Variants in AADAC observed in about 807,000 individuals in gnomAD.
AADAC encodes the protein arylacetamide deacetylase (esterase).
AADAC carries 17 observed loss-of-function variants against 22.7 expected under a neutral mutation model. The ratio of observed to expected loss-of-function variants is 0.75; its 90% CI spans 0.51 to 1.12. AADAC has a LOEUF of 1.12. AADAC is among the 50% of genes most tolerant of loss of function. AADAC has a pLI of 0.00. For missense variants in AADAC, 465 were observed against 473.9 expected, an observed-to-expected ratio of 0.98 and a Z score of 0.17; for synonymous variants, 167 against 176.3, an observed-to-expected ratio of 0.95 and a Z score of 0.42.
chr3:151,814,385 G>A, intron 1 of AADAC, 85 bp downstream of exon 1: 1 of 1,336,462 alleles, frequency 7.5e-7, no homozygotes, highest in East Asian at 2.5e-5. Context: ...CTATTCTTTT[G>A]ATTTATTGAC....
chr3:151,826,451 T>A (rs1452888261), intron 4 of AADAC, among the ~76,000 whole-genome samples: 1 of 151,902 alleles, frequency 6.6e-6, no homozygotes, highest in East Asian at 1.9e-4. Flanking sequence ...CTTGTAACAA[T>A]CTTTACAAAT....
intron 2 of AADAC, among the ~76,000 whole-genome samples, chr3:151,818,585 C>T (rs1449930429): frequency 6.6e-6 from 1 of 152,024 alleles, no homozygotes; most frequent in Non-Finnish European, 1.5e-5. Flanking sequence ...GGATTGGTTA[C>T]AGCTCAGCGT....
chr3:151,827,634 C>A lies in AADAC; in HGVS notation c.662C>A (p.Ala221Asp), dbSNP rs1243594974. The change falls in exon 5 of 5, where the codon GCC becomes GAC. Residue 221 changes from alanine to aspartate, a missense_variant. Coordinates refer to ENST00000232892, the MANE Select transcript of AADAC (RefSeq NM_001086.3). ...KLKIQSLIYP[A>D]LQPLDVDLPS... ...AAGATCCAGTCTTTAATTTATCCTG[C>A]CCTTCAGCCTCTTGATGTAGATTTA... The A allele has an allele frequency of 6.2e-7, 1 of 1,608,010 alleles. No homozygotes were observed.
chr3:151,823,658 T>A (rs1716346617), intron 3 of AADAC, among the ~76,000 whole-genome samples: 1 of 151,978 alleles, frequency 6.6e-6, no homozygotes, highest in African/African-American at 2.4e-5. Flanking sequence ...TTCCATAAGC[T>A]CTAGTTTGAG....
At chr3:151,820,355 A>G (rs1370426636) in intron 2 of AADAC, 28 bp from the exon 3 acceptor site, 1 of 1,517,916 alleles carries the variant, frequency 6.6e-7, no homozygotes, top group Admixed American at 1.9e-5. Flanking sequence ...TGTTTTACTA[A>G]TATGTTGCTT....
intron 1 of AADAC, among the ~76,000 whole-genome samples, chr3:151,815,532 AT>A (rs931559463): frequency 7.2e-5 from 11 of 151,832 alleles, no homozygotes; most frequent in African/African-American, 2.4e-4. Flanking sequence ...AAAGGGACAC[AT>A]TTTTTTCCCT....
chr3:151,826,558 C>T (rs995460458), intron 4 of AADAC, among the ~76,000 whole-genome samples: 1 of 151,900 alleles, frequency 6.6e-6, no homozygotes, highest in East Asian at 1.9e-4. Flanking sequence ...AATATCTGTA[C>T]TTTTATTTAG....
rs1803155 is a variant in AADAC, at chr3:151,827,813, G to A, written c.841G>A (p.Val281Ile). The change falls in exon 5 of 5, where the codon GTT becomes ATT. Residue 281 changes from valine (V) to isoleucine (I), a missense_variant. Physicochemically the swap from Val to Ile is conservative, Grantham distance 29. Transcript: ENST00000232892. ...GGAATCAAGTCATCTCTTCAAATTTGTTAATTGGAGTTCCCTGCTCCCTGA... is the reference window on the plus strand; with the variant it reads ...GGAATCAAGTCATCTCTTCAAATTTATTAATTGGAGTTCCCTGCTCCCTGA... ...PVESSHLFKF[V>I]NWSSLLPERF... The A allele has an allele frequency of 0.77, 1,240,889 of 1,612,842 alleles. 481,686 individuals carry two copies. Among genetic ancestry groups the A allele is most frequent in the Middle Eastern group, 0.82 (4,949 of 6,058 alleles).
intron 2 of AADAC, 116 bp from the exon 3 acceptor site, chr3:151,820,267 A>T: frequency 1.8e-6 from 1 of 570,184 alleles, no homozygotes; most frequent in South Asian, 3.4e-5. Context: ...TCGTATTTTA[A>T]GGTAAAATAG....
chr3:151,819,805 A>G (rs62272913), intron 2 of AADAC, among the ~76,000 whole-genome samples: 2,729 of 152,082 alleles, frequency 0.018, 61 homozygotes, highest in Non-Finnish European at 0.027. Context: ...AAAAAGAGGC[A>G]AAGAGAGGCC....
rs755591931 is a variant in AADAC, at chr3:151,824,394, T to C, written c.432-269T>C. On this transcript the variant is annotated intron_variant, in intron 3 of 4. Coordinates refer to ENST00000232892, the MANE Select transcript of AADAC (RefSeq NM_001086.3). Reference sequence around the variant, plus strand: ...TAGGCAAAATTAATTTATGCTGTTATGTCAAATTAGTGGATACGTCAGGAA... The same window carrying C: ...TAGGCAAAATTAATTTATGCTGTTACGTCAAATTAGTGGATACGTCAGGAA... Among the ~76,000 whole-genome samples, 4 of 151,994 alleles carry C rather than the reference T, an allele frequency of 2.6e-5. No homozygotes were observed. The South Asian group carries it at 6.2e-4, about 24-fold the overall frequency.
In AADAC at chr3:151,824,817, G is replaced by A. The variant is rs1716406794; in HGVS notation, c.586G>A (p.Ala196Thr). ...SGDSAGGNLA[A>T]AVTQQLLDDP... ...AGATAGTGCAGGAGGGAATTTAGCTGCAGCAGTGACTCAACAGGTATGTTC... is the reference window on the plus strand; with the variant it reads ...AGATAGTGCAGGAGGGAATTTAGCTACAGCAGTGACTCAACAGGTATGTTC... Residue 196 changes from alanine to threonine, a missense_variant, in exon 4 of 5, where the codon GCA (alanine) becomes ACA (threonine). Transcript: ENST00000232892. 2 of 1,583,944 alleles carry A rather than the reference G, an allele frequency of 1.3e-6. No individual in the cohort carries two copies. The highest frequency in any genetic ancestry group is 8.6e-7 in the Non-Finnish European group (1 of 1,167,000).
chr3:151,814,270 A>T lies in AADAC; in HGVS notation c.108A>T (p.Ile36=). Residue 36 remains isoleucine (I), a synonymous_variant, in exon 1 of 5, where the codon ATA becomes ATT. Transcript: ENST00000232892. Reference sequence around the variant, plus strand: ...AGGAGCCATGGAGAATGATGTGGATAAACGCACATCTGAAAACTATACAAA... The same window carrying T: ...AGGAGCCATGGAGAATGATGTGGATTAACGCACATCTGAAAACTATACAAA... ...NVEEPWRMMW[I]NAHLKTIQNL... The T allele has an allele frequency of 6.2e-7, 1 of 1,613,256 alleles. No homozygotes were observed. The highest frequency in any genetic ancestry group is 2.2e-5 in the East Asian group (1 of 44,848).
chr3:151,820,372 T>C lies in AADAC; in HGVS notation c.362-11T>C, dbSNP rs757861256. 25 of 1,562,586 alleles carry C rather than the reference T, an allele frequency of 1.6e-5. No individual in the cohort carries two copies. In the South Asian group the frequency reaches 2.7e-4, roughly 17 times the overall value. ...TTTTACTAATATGTTGCTTTTATCC[T>C]TTTATTTCAGCTCTAAGTGGTTATG... On this transcript the variant is annotated splice_polypyrimidine_tract_variant and intron_variant, in intron 2 of 4. Transcript: ENST00000232892.
chr3:151,825,830 A>G (rs988314381), intron 4 of AADAC, among the ~76,000 whole-genome samples: 1 of 151,940 alleles, frequency 6.6e-6, no homozygotes, highest in African/African-American at 2.4e-5. Flanking sequence ...GTCGCAAAGG[A>G]ACTATTTTCC....
intron 3 of AADAC, among the ~76,000 whole-genome samples, chr3:151,822,498 T>G (rs1241878771): frequency 6.6e-6 from 1 of 152,050 alleles, no homozygotes; most frequent in African/African-American, 2.4e-5. Context: ...GGCATATCTA[T>G]ACACATATTC....
At position 151,814,432 on chromosome 3, in the gene AADAC, C is replaced by A; in HGVS notation, c.138+132C>A. 4.1e-6 allele frequency: 4 copies of A among 965,600 alleles called. No individual in the cohort carries two copies. The South Asian group carries it at 5.7e-5, about 14-fold the overall frequency. The allele number at this position is 965,600 out of a possible 1,614,324, so 59.8% of individuals were successfully genotyped here. Reference sequence around the variant, plus strand: ...TTAAAATAACTGCTGTGGCCTTTGACAATGTGTTACTTAGAAATGTTGTTT... The same window carrying A: ...TTAAAATAACTGCTGTGGCCTTTGAAAATGTGTTACTTAGAAATGTTGTTT... On this transcript the variant is annotated intron_variant, in intron 1 of 4. Transcript: ENST00000232892.
intron 2 of AADAC, among the ~76,000 whole-genome samples, chr3:151,818,389 GA>G (rs1356597039): frequency 6.6e-6 from 1 of 152,014 alleles, no homozygotes; most frequent in Non-Finnish European, 1.5e-5. Flanking sequence ...AATGTTAGAA[GA>G]AAAACCTTAG....
At chr3:151,819,581 G>A (rs1716147320) in intron 2 of AADAC, among the ~76,000 whole-genome samples, 1 of 151,930 alleles carries the variant, frequency 6.6e-6, no homozygotes, top group South Asian at 2.1e-4. Flanking sequence ...TTTTTGTGCA[G>A]GAGAAATATA....
Sources: allele counts gnomAD v4.1 joint callset (sites outside exome capture counted in the v4.1 genomes callset), GRCh38; gene constraint gnomAD v4.1.1; transcripts MANE v1.5; gene names NCBI Gene and HGNC (gene_info 2026-07-23, HGNC 2026-07-21).